The following CDH4 variants were observed in gnomAD, a reference collection of about 807,000 sequenced individuals.
The protein encoded by CDH4 is cadherin-4.
A neutral mutation model predicts 86.0 loss-of-function variants in CDH4; 33 were observed. The ratio of observed to expected loss-of-function variants is 0.38; its 90% confidence interval spans 0.29 to 0.51. The LOEUF is 0.51. Among genes scored for constraint, CDH4 ranks in the 20% least tolerant of loss-of-function variants. The pLI is 0.86. For synonymous variants in CDH4, 555 were observed against 549.4 expected (o/e 1.01, Z -0.14); for missense variants, 1,114 against 1,307.4 (o/e 0.85, Z 2.28).
At chr20:61,732,199 C>T (rs2088198583) in intron 2 of CDH4, among the ~76,000 whole-genome samples, 1 of 152,176 alleles carries the variant, frequency 6.6e-6, no homozygotes, top group Non-Finnish European at 1.5e-5. Flanking sequence ...GTTTGCCTCC[C>T]AGCAGCATCT....
intron 2 of CDH4, among the ~76,000 whole-genome samples, chr20:61,581,578 G>A (rs957209905): frequency 8.5e-5 from 13 of 152,176 alleles, no homozygotes; most frequent in East Asian, 5.8e-4. Context: ...AGCCTCTTCC[G>A]GTCTGTGTGC....
At chr20:61,630,718 A>C (rs1267759988) in intron 2 of CDH4, among the ~76,000 whole-genome samples, 1 of 152,218 alleles carries the variant, frequency 6.6e-6, no homozygotes, top group Non-Finnish European at 1.5e-5. Context: ...CAACTTATGG[A>C]TTATAATTCT....
chr20:61,532,793 G>T (rs974322233), intron 2 of CDH4, among the ~76,000 whole-genome samples: 1 of 152,182 alleles, frequency 6.6e-6, no homozygotes, highest in African/African-American at 2.4e-5. Context: ...TGAAAGGCAT[G>T]TGATGAGTTT....
At chr20:61,886,092 C>T (rs573865819) in intron 7 of CDH4, among the ~76,000 whole-genome samples, 5 of 152,290 alleles carry the variant, frequency 3.3e-5, no homozygotes, top group Admixed American at 2.6e-4. Flanking sequence ...CCATATGTAC[C>T]GCCTCTAGGT....
chr20:61,651,289 C>A (rs1031656356), intron 2 of CDH4, among the ~76,000 whole-genome samples: 1 of 152,222 alleles, frequency 6.6e-6, no homozygotes, highest in African/African-American at 2.4e-5. Context: ...AGGGTCTCAA[C>A]GCTCAGGGAA....
At chr20:61,929,297 C>T (rs141317817) in intron 12 of CDH4, among the ~76,000 whole-genome samples, 388 of 152,196 alleles carry the variant, frequency 2.5e-3, no homozygotes, top group African/African-American at 8.6e-3. Context: ...ACCACACGCC[C>T]GGCTAATTTT....
chr20:61,685,821 C>T (rs1242047168), intron 2 of CDH4, among the ~76,000 whole-genome samples: 1 of 152,272 alleles, frequency 6.6e-6, no homozygotes, highest in East Asian at 1.9e-4. Context: ...AAACCTGGAA[C>T]ACACTTGATT....
chr20:61,800,356 C>T (rs985672733), intron 4 of CDH4, among the ~76,000 whole-genome samples: 4 of 152,224 alleles, frequency 2.6e-5, no homozygotes, highest in African/African-American at 9.6e-5. Flanking sequence ...TCCTTGGGCA[C>T]TCCCTTTAGA....
chr20:61,346,064 C>G (rs770169882), intron 2 of CDH4, among the ~76,000 whole-genome samples: 38 of 152,164 alleles, frequency 2.5e-4, no homozygotes, highest in Non-Finnish European at 5.3e-4. Context: ...TCACGCGGGA[C>G]AAATTAACCC....
chr20:61,258,894 A>C (rs1033659063), intron 2 of CDH4, among the ~76,000 whole-genome samples: 10 of 152,332 alleles, frequency 6.6e-5, no homozygotes, highest in South Asian at 2.1e-4. Flanking sequence ...CTTTCTCAGA[A>C]TCCCTGCAGA....
At chr20:61,872,440 G>A (rs1452291938) in intron 6 of CDH4, among the ~76,000 whole-genome samples, 6 of 152,140 alleles carry the variant, frequency 3.9e-5, no homozygotes, top group Admixed American at 3.9e-4. Context: ...CTGGTGTGGC[G>A]AGAGTCCTTC....
At chr20:61,885,689 G>A (rs1984509833) in intron 7 of CDH4, among the ~76,000 whole-genome samples, 1 of 152,180 alleles carries the variant, frequency 6.6e-6, no homozygotes, top group South Asian at 2.1e-4. Context: ...CTCTTGACTT[G>A]TGAGGACCCG....
chr20:61,859,126 G>C (rs779160862), intron 6 of CDH4, among the ~76,000 whole-genome samples: 1 of 152,132 alleles, frequency 6.6e-6, no homozygotes, highest in Non-Finnish European at 1.5e-5. Flanking sequence ...GTGGCCCCTC[G>C]TGGTTTTAAT....
intron 2 of CDH4, among the ~76,000 whole-genome samples, chr20:61,358,801 G>GC (rs759072389): frequency 2.6e-5 from 4 of 152,180 alleles, no homozygotes; most frequent in Non-Finnish European, 4.4e-5. Context: ...TCGCTTTAAT[G>GC]CGGGGGGGAA....
chr20:61,853,003 T>C (rs1301525708), intron 6 of CDH4, 105 bp downstream of exon 6: 6 of 1,235,418 alleles, frequency 4.9e-6, no homozygotes, highest in Non-Finnish European at 6.8e-6. Flanking sequence ...ACCAGGATGG[T>C]GCCACGGGAC....
At chr20:61,523,686 C>T (rs2085889812) in intron 2 of CDH4, among the ~76,000 whole-genome samples, 1 of 152,232 alleles carries the variant, frequency 6.6e-6, no homozygotes, top group Admixed American at 6.5e-5. Flanking sequence ...GCCAGGAGGG[C>T]ACCACACGCT....
At chr20:61,540,630 A>G (rs887167591) in intron 2 of CDH4, among the ~76,000 whole-genome samples, 2 of 152,172 alleles carry the variant, frequency 1.3e-5, no homozygotes, top group African/African-American at 2.4e-5. Context: ...GGAAGATCTT[A>G]TAAAGCCACA....
At position 61,275,648 on chromosome 20, in the gene CDH4, A is replaced by G. The variant is rs372666961; in HGVS notation, c.169+20711A>G. ...GGGGGAGTACCATGCGCAGTTTGGG[A>G]GAGTACCATGCGCAGTTTGGGGGGA... On this transcript the variant is annotated intron_variant, in intron 2 of 15. Coordinates refer to ENST00000614565, the MANE Select transcript of CDH4 (RefSeq NM_001794.5). 1.1e-3 allele frequency among the ~76,000 whole-genome samples: 45 copies of G among 40,876 alleles called. No homozygotes were observed. In the South Asian group the frequency reaches 0.02, roughly 18 times the overall value. 26.8% of individuals were successfully genotyped at this position (40,876 alleles called of 152,430 possible).
rs950076929 is a variant in CDH4, at chr20:61,497,849, C to T, written c.169+242912C>T. On this transcript the variant is annotated intron_variant, in intron 2 of 15. Transcript: ENST00000614565. ...TAGACTGGACTAAGAAAATATGGCA[C>T]ATATATACCATGGAATACTATTCAG... Among the ~76,000 whole-genome samples the T allele has an allele frequency of 8.5e-5, 13 of 152,096 alleles. 1 individual carries two copies. The South Asian group carries it at 2.3e-3, about 27-fold the overall frequency.
Sources: gnomAD v4.1 joint callset for allele counts (sites outside exome capture counted in the v4.1 genomes callset) on GRCh38, gnomAD v4.1.1 for gene constraint, MANE v1.5 for transcripts, NCBI Gene and HGNC (gene_info 2026-07-23, HGNC 2026-07-21) for gene names.